KLF8: variants seen among roughly 807,000 people sequenced by gnomAD.
The protein encoded by KLF8 is KLF transcription factor 8.
Under a neutral mutation model 18.2 loss-of-function variants are expected in KLF8, and 10 were observed. The observed-to-expected ratio is 0.55, with a 90% confidence interval of 0.34 to 0.93. The LOEUF (loss-of-function observed/expected upper bound fraction) is 0.93, where lower values mean the gene tolerates loss of function less well. Ranked by LOEUF, KLF8 falls within the 40% of genes least tolerant of loss-of-function variation. The probability of loss-of-function intolerance (pLI) is 0.02; values close to 1 mark genes in which losing one functional copy is unlikely to be tolerated. For synonymous variants in KLF8, 109 were observed against 97.3 expected, an observed-to-expected ratio of 1.12 and a Z score of -0.71; for missense variants, 264 against 277.9, an observed-to-expected ratio of 0.95 and a Z score of 0.36.
chrX:56,194,106 G>T, the KLF8 span, among the ~76,000 whole-genome samples: 3 of 110,605 alleles, frequency 2.7e-5, no homozygotes, highest in African/African-American at 9.9e-5. Flanking sequence ...TTCCAAGATG[G>T]CCAAATAGGA....
the KLF8 span, among the ~76,000 whole-genome samples, chrX:56,088,970 G>GA: frequency 9.0e-6 from 1 of 111,342 alleles, no homozygotes; most frequent in Non-Finnish European, 1.9e-5. Flanking sequence ...CACAATCAAA[G>GA]AAAAAAGTGC....
the KLF8 span, among the ~76,000 whole-genome samples, chrX:55,931,621 G>C: frequency 9.0e-6 from 1 of 111,643 alleles, no homozygotes; most frequent in African/African-American, 3.3e-5. Flanking sequence ...ACTTAATTTT[G>C]TTATTTACCC....
At chrX:56,188,201 A>T in the KLF8 span, among the ~76,000 whole-genome samples, 2 of 111,382 alleles carry the variant, frequency 1.8e-5, no homozygotes, top group Non-Finnish European at 3.8e-5. Context: ...TCAATGTACA[A>T]AAATCACATT....
At chrX:56,028,306 A>G in the KLF8 span, among the ~76,000 whole-genome samples, 4 of 110,990 alleles carry the variant, frequency 3.6e-5, no homozygotes, top group Non-Finnish European at 7.5e-5. Context: ...GCTAGCACGC[A>G]AAGTTTGGAA....
upstream of KLF8, among the ~76,000 whole-genome samples, chrX:56,231,078 C>G (rs1179481723): frequency 8.9e-6 from 1 of 111,776 alleles, no homozygotes; most frequent in Non-Finnish European, 1.9e-5. Flanking sequence ...GCTTGGAATT[C>G]CCAGGGATTT....
At chrX:56,177,350 A>G in the KLF8 span, among the ~76,000 whole-genome samples, 6 of 110,851 alleles carry the variant, frequency 5.4e-5, no homozygotes, top group Admixed American at 5.8e-4. Flanking sequence ...GGTCTGTTGG[A>G]GTTTGCTGGC....
chrX:55,919,621 G>T, the KLF8 span, among the ~76,000 whole-genome samples: 10 of 105,798 alleles, frequency 9.5e-5, no homozygotes, highest in Admixed American at 1.0e-3. Context: ...CACTTCCCTG[G>T]CTACCTGTAT....
the KLF8 span, among the ~76,000 whole-genome samples, chrX:56,159,363 C>G: frequency 1.8e-5 from 2 of 111,532 alleles, no homozygotes; most frequent in African/African-American, 6.5e-5. Flanking sequence ...TTTGTTGTGT[C>G]TCTGCCAGGC....
chrX:56,070,630 G>A, the KLF8 span, among the ~76,000 whole-genome samples: 1 of 110,923 alleles, frequency 9.0e-6, no homozygotes, highest in African/African-American at 3.3e-5. Context: ...CATGGACCCA[G>A]GGAGGGGAAT....
At chrX:56,106,361 C>T in the KLF8 span, among the ~76,000 whole-genome samples, 7 of 112,131 alleles carry the variant, frequency 6.2e-5, no homozygotes, top group South Asian at 3.7e-4. Context: ...ACCAATCAGA[C>T]GTAGAGTTGG....
chrX:55,940,333 C>T, the KLF8 span, among the ~76,000 whole-genome samples: 1 of 111,894 alleles, frequency 8.9e-6, no homozygotes, highest in South Asian at 3.8e-4. Context: ...AACAACCCTT[C>T]ATGCTAAAAA....
At chrX:55,958,108 T>G in the KLF8 span, among the ~76,000 whole-genome samples, 24,340 of 111,694 alleles carry the variant, frequency 0.22, 5,434 homozygotes, top group African/African-American at 0.69. Flanking sequence ...GGAATACTAA[T>G]ACCACTTAGT....
the KLF8 span, among the ~76,000 whole-genome samples, chrX:56,061,989 T>C: frequency 1.1e-5 from 1 of 93,919 alleles, no homozygotes; most frequent in Non-Finnish European, 2.1e-5. Flanking sequence ...ACCCCTGCTT[T>C]TTTTTTTTTT....
the KLF8 span, among the ~76,000 whole-genome samples, chrX:55,939,753 C>A: frequency 9.0e-6 from 1 of 111,718 alleles, no homozygotes; most frequent in Non-Finnish European, 1.9e-5. Flanking sequence ...AACACCTCCA[C>A]GCAAATAAAC....
the KLF8 span, among the ~76,000 whole-genome samples, chrX:56,187,767 A>T: frequency 1.8e-5 from 2 of 111,251 alleles, no homozygotes; most frequent in Non-Finnish European, 1.9e-5. Flanking sequence ...AACCAAAGAA[A>T]AAAACCACAT....
the KLF8 span, among the ~76,000 whole-genome samples, chrX:56,206,958 T>C: frequency 1.8e-5 from 2 of 112,499 alleles, no homozygotes; most frequent in Non-Finnish European, 3.8e-5. Flanking sequence ...TTGATTTCTG[T>C]GCACCCACCG....
At chrX:56,027,562 C>T in the KLF8 span, among the ~76,000 whole-genome samples, 1 of 112,384 alleles carries the variant, frequency 8.9e-6, no homozygotes, top group Non-Finnish European at 1.9e-5. Flanking sequence ...GTTAAAGCAA[C>T]GAGTTCTGCT....
chrX:56,203,168 T>C, the KLF8 span, among the ~76,000 whole-genome samples: 4 of 112,613 alleles, frequency 3.6e-5, no homozygotes, highest in Non-Finnish European at 7.5e-5. Context: ...TGCATTTCTC[T>C]AATGATCAAT....
chrX:55,951,490 A>AG, the KLF8 span, among the ~76,000 whole-genome samples: 3 of 109,250 alleles, frequency 2.7e-5, no homozygotes, highest in Admixed American at 2.0e-4. Context: ...AAAAAAAAAA[A>AG]AAAGAAAGAA....
Sources: allele counts gnomAD v4.1 joint callset (sites outside exome capture counted in the v4.1 genomes callset), GRCh38; gene constraint gnomAD v4.1.1; transcripts MANE v1.5; gene names NCBI Gene and HGNC (gene_info 2026-07-23, HGNC 2026-07-21).